Variants in EBF2 observed in about 807,000 individuals in gnomAD.
The protein encoded by EBF2 is EBF transcription factor 2.
EBF2 carries 21 observed loss-of-function variants against 72.8 expected under a neutral mutation model. The observed-to-expected ratio is 0.29, with a 90% CI of 0.20 to 0.42. The LOEUF (loss-of-function observed/expected upper bound fraction) is 0.42. Among genes scored for constraint, EBF2 ranks in the 10% least tolerant of loss-of-function variants. EBF2 has a pLI of 1.00. For missense variants in EBF2, 637 were observed against 731.2 expected, an observed-to-expected ratio of 0.87 and a Z score of 1.49; for synonymous variants, 299 against 274.2, an observed-to-expected ratio of 1.09 and a Z score of -0.89.
In EBF2 at chr8:25,897,213, C is replaced by CT. The variant is rs927617811; in HGVS notation, c.634-7345dup. On this transcript the variant is annotated intron_variant, in intron 7 of 15. Coordinates refer to ENST00000520164, the MANE Select transcript of EBF2 (RefSeq NM_022659.4). ...TACTCCTGAGAAGACGTGCTCTTTT[C>CT]TTTTTTTTTAAAAAAAAATACATAT... 6.4e-3 allele frequency among the ~76,000 whole-genome samples: 915 copies of CT among 142,284 alleles called. 13 individuals carry two copies. Among genetic ancestry groups the CT allele is most frequent in the African/African-American group, 0.026 (855 of 33,346 alleles). 93.3% of individuals were successfully genotyped at this position (142,284 alleles called of 152,430 possible). A position where few individuals can be genotyped will look rare whatever the true frequency, so the allele number is the denominator to read the frequency against.
chr8:26,037,509 C>G (rs564231039), intron 5 of EBF2, among the ~76,000 whole-genome samples: 1 of 152,210 alleles, frequency 6.6e-6, no homozygotes, highest in Non-Finnish European at 1.5e-5. Context: ...TAAATTCACA[C>G]CATCTGGCCG....
intron 6 of EBF2, among the ~76,000 whole-genome samples, chr8:25,941,379 T>A (rs1803666798): frequency 6.6e-6 from 1 of 152,110 alleles, no homozygotes; most frequent in Non-Finnish European, 1.5e-5. Context: ...CTAATTTTTG[T>A]ATTTTTAGTA....
chr8:26,041,992 T>C, intron 2 of EBF2, 103 bp downstream of exon 2: 1 of 1,493,204 alleles, frequency 6.7e-7, no homozygotes, highest in South Asian at 1.3e-5. Context: ...TCATCCCTGA[T>C]GGTGAGAGTG....
In EBF2 at chr8:25,949,949, A is replaced by G. The variant is rs74364915; in HGVS notation, c.552-41394T>C. Among the ~76,000 whole-genome samples the G allele has an allele frequency of 2.3e-4, 35 of 152,352 alleles. 1 individual carries two copies. The East Asian group carries it at 6.8e-3, about 29-fold the overall frequency. On this transcript the variant is annotated intron_variant, in intron 6 of 15. Transcript: ENST00000520164. ...GGGCTAAATTGTTATTTCTAGCAAT[A>G]TTAACCTCATCACCTTTAGAAATGA... is the stretch of plus-strand genomic sequence containing the variant.
intron 6 of EBF2, among the ~76,000 whole-genome samples, chr8:26,003,431 T>C (rs900439512): frequency 6.6e-6 from 1 of 152,148 alleles, no homozygotes; most frequent in Non-Finnish European, 1.5e-5. Flanking sequence ...AAGAAGGAGA[T>C]GAAAGTTGTT....
intron 6 of EBF2, among the ~76,000 whole-genome samples, chr8:25,997,904 C>A (rs1477546320): frequency 1.3e-5 from 2 of 152,030 alleles, no homozygotes; most frequent in African/African-American, 4.8e-5. Flanking sequence ...AAAGAGCTAA[C>A]ATTAATAATA....
chr8:26,042,299 A>G, intron 1 of EBF2, 48 bp from the exon 2 acceptor site: 1 of 1,573,950 alleles, frequency 6.4e-7, no homozygotes, highest in Non-Finnish European at 8.6e-7. Context: ...GGAAGCACAA[A>G]AAGGCGATGT....
chr8:25,875,742 A>T (rs944968832), intron 10 of EBF2, among the ~76,000 whole-genome samples: 11 of 152,312 alleles, frequency 7.2e-5, no homozygotes, highest in African/African-American at 2.4e-4. Context: ...TTTATAAGCC[A>T]AAAAGTCTCT....
Position 26,045,020 on chromosome 8 carries a change from C to T in EBF2, c.-161G>A. 1 of 779,032 alleles carries T rather than the reference C, an allele frequency of 1.3e-6. No individual in the cohort carries two copies. Among genetic ancestry groups the T allele is most frequent in the South Asian group, 2.0e-5 (1 of 49,506 alleles). 48.3% of individuals were successfully genotyped at this position (779,032 alleles called of 1,614,324 possible). ...TAGAAAAAAAAAAAAGATAACCCGTCCTTTGCTTCACTGGCGAGGTGCGGA... is the reference window on the plus strand; with the variant it reads ...TAGAAAAAAAAAAAAGATAACCCGTTCTTTGCTTCACTGGCGAGGTGCGGA... On this transcript the variant is annotated 5_prime_UTR_variant, in exon 1 of 16. Transcript: ENST00000520164.
Position 26,044,754 on chromosome 8 carries a change from C to T in EBF2, c.106G>A (p.Val36Met). Residue 36 changes from valine (V) to methionine (M), a missense_variant, in exon 1 of 16, where the codon GTG (valine) becomes ATG (methionine). Physicochemically the swap from Val to Met is conservative, Grantham distance 21 (BLOSUM62 1). This residue lies in a region of EBF2 where 174 missense variants were observed against 161.9 expected (regional missense o/e 1.07). Transcript: ENST00000520164. The surrounding 1 kb of genome is among the most constrained non-coding windows in gnomAD (Gnocchi z 4.1). The part of the protein sequence containing the change: ...VRSWVRNVGV[V>M]DANVAAQSGV... ...CTCTGCGCGGCGACATTAGCGTCCA[C>T]CACTCCGACATTCCGGACCCAGGAC... The T allele has an allele frequency of 6.2e-7, 1 of 1,614,176 alleles. No homozygotes were observed. The highest frequency in any genetic ancestry group is 8.5e-7 in the Non-Finnish European group (1 of 1,180,022).
chr8:25,954,906 G>C (rs1164386970), intron 6 of EBF2, among the ~76,000 whole-genome samples: 4 of 152,232 alleles, frequency 2.6e-5, no homozygotes, highest in Non-Finnish European at 5.9e-5. Flanking sequence ...GAAGGTAGGA[G>C]CTGTGCCTAA....
intron 6 of EBF2, among the ~76,000 whole-genome samples, chr8:25,995,087 C>T (rs934154730): frequency 3.4e-4 from 52 of 152,256 alleles, no homozygotes; most frequent in Middle Eastern, 6.8e-3. Flanking sequence ...GGGCAGATCA[C>T]GTGAGGTCAG....
At chr8:25,993,998 G>A (rs569835261) in intron 6 of EBF2, among the ~76,000 whole-genome samples, 6 of 152,186 alleles carry the variant, frequency 3.9e-5, no homozygotes, top group Non-Finnish European at 8.8e-5. Context: ...GGTATTCAAA[G>A]TGTCAGAAAA....
rs1290754231 is a variant in EBF2, at chr8:25,844,048, CCT to C, written c.*559_*560del. On this transcript the variant is annotated 3_prime_UTR_variant, in exon 16 of 16. Transcript: ENST00000520164. ...ATTGTAAAACATTTTAAAATTTTTCCCTTTTTTTGTTCATTTTTTAAAGAGAT... is the reference window on the plus strand; with the variant it reads ...ATTGTAAAACATTTTAAAATTTTTCCTTTTTTGTTCATTTTTTAAAGAGAT... 1.3e-5 allele frequency: 2 copies of C among 151,728 alleles called. No homozygotes were observed. Among genetic ancestry groups the C allele is most frequent in the African/African-American group, 4.9e-5 (2 of 40,898 alleles). The allele number at this position is 151,728 out of a possible 1,614,324, so 9.4% of individuals were successfully genotyped here. A position where few individuals can be genotyped will look rare whatever the true frequency, so the allele number is the denominator to read the frequency against.
At position 25,985,168 on chromosome 8, in the gene EBF2, C is replaced by T. The variant is rs1387221202; in HGVS notation, c.551+47917G>A. On this transcript the variant is annotated intron_variant, in intron 6 of 15. Coordinates refer to ENST00000520164, the MANE Select transcript of EBF2 (RefSeq NM_022659.4). ...CTCAAGCCTCCAACGTCTCAAAGCCCTCCAGGGCTCCATGCAGCTAGACCT... is the reference window on the plus strand; with the variant it reads ...CTCAAGCCTCCAACGTCTCAAAGCCTTCCAGGGCTCCATGCAGCTAGACCT... Among the ~76,000 whole-genome samples the T allele has an allele frequency of 2.6e-5, 4 of 152,196 alleles. No homozygotes were observed. In the East Asian group the frequency reaches 7.7e-4, roughly 29 times the overall value.
At chr8:25,931,422 C>T (rs780086674) in intron 6 of EBF2, among the ~76,000 whole-genome samples, 1 of 152,114 alleles carries the variant, frequency 6.6e-6, no homozygotes, top group Non-Finnish European at 1.5e-5. Flanking sequence ...AAGATAGCAT[C>T]CTTCCTATGC....
intron 6 of EBF2, among the ~76,000 whole-genome samples, chr8:25,969,666 T>C (rs1400868501): frequency 6.6e-6 from 1 of 152,226 alleles, no homozygotes; most frequent in Non-Finnish European, 1.5e-5. Context: ...TCCTTCTCAC[T>C]CATGAGTCTC....
At chr8:26,033,216 A>G in intron 5 of EBF2, 63 bp from the exon 6 acceptor site, 1 of 1,507,630 alleles carries the variant, frequency 6.6e-7, no homozygotes, top group Non-Finnish European at 9.2e-7. Context: ...TGCAATGAGC[A>G]CATGACAAGA....
At chr8:25,964,152 G>C (rs1319610800) in intron 6 of EBF2, among the ~76,000 whole-genome samples, 4 of 151,402 alleles carry the variant, frequency 2.6e-5, no homozygotes, top group African/African-American at 9.8e-5. Flanking sequence ...GGAGGGAGAA[G>C]TGAATTTGGA....
Sources: gnomAD v4.1 joint callset for allele counts (sites outside exome capture counted in the v4.1 genomes callset) on GRCh38, gnomAD v4.1.1 for gene constraint, gnomAD v4.1.1 regional missense constraint, Gnocchi (gnomAD v3.1) non-coding constraint, MANE v1.5 for transcripts, NCBI Gene and HGNC (gene_info 2026-07-23, HGNC 2026-07-21) for gene names.